DYM: variants seen among roughly 807,000 people sequenced by gnomAD.
DYM encodes dyggve-Melchior-Clausen syndrome protein.
Under a neutral mutation model 93.1 loss-of-function variants are expected in DYM, and 78 were observed. That is an observed-to-expected ratio of 0.84 (90% CI 0.70 to 1.01). The LOEUF is 1.01. Ranked by LOEUF, DYM falls within the 50% of genes least tolerant of loss-of-function variation. The pLI is 0.00. For synonymous variants in DYM, 321 were observed against 319.7 expected, an observed-to-expected ratio of 1.00 and a Z score of -0.04; for missense variants, 789 against 845.0, an observed-to-expected ratio of 0.93 and a Z score of 0.82.
intron 1 of DYM, among the ~76,000 whole-genome samples, chr18:49,434,548 A>C (rs531398059): frequency 1.3e-5 from 2 of 152,122 alleles, no homozygotes; most frequent in South Asian, 4.2e-4. Flanking sequence ...AAGAAAAAGA[A>C]AGTGGCCACC....
Position 49,446,097 on chromosome 18 carries a change from G to A in DYM, c.-54+14301C>T, listed in dbSNP as rs145738475. Among the ~76,000 whole-genome samples, 230 of 152,224 alleles carry A rather than the reference G, an allele frequency of 1.5e-3. 1 individual carries two copies. The highest frequency in any genetic ancestry group is 5.0e-3 in the African/African-American group (209 of 41,522). The stretch of plus-strand genomic sequence containing the variant: ...TAGCAATTTAGGCAGATTTATAAAC[G>A]CAGAGGTAAGAATCAAAAGAAAAAG... On this transcript the variant is annotated intron_variant, in intron 1 of 17. Transcript: ENST00000675505.
intron 2 of DYM, among the ~76,000 whole-genome samples, chr18:49,400,730 C>T (rs145334159): frequency 8.2e-4 from 125 of 152,268 alleles, no homozygotes; most frequent in African/African-American, 2.6e-3. Context: ...AATTCCTTTC[C>T]TTTCATCCTT....
At chr18:49,292,912 G>C (rs2060254959) in intron 8 of DYM, among the ~76,000 whole-genome samples, 1 of 152,034 alleles carries the variant, frequency 6.6e-6, no homozygotes, top group African/African-American at 2.4e-5. Flanking sequence ...TGCCATGGTG[G>C]TTTGCTGCAC....
intron 14 of DYM, among the ~76,000 whole-genome samples, chr18:49,173,464 CT>C (rs1242911538): frequency 6.6e-6 from 1 of 152,010 alleles, no homozygotes; most frequent in Non-Finnish European, 1.5e-5. Context: ...TCCTTAATTT[CT>C]TTCAGCAATG....
intron 6 of DYM, among the ~76,000 whole-genome samples, chr18:49,352,300 C>T (rs939430973): frequency 6.6e-6 from 1 of 152,088 alleles, no homozygotes; most frequent in Admixed American, 6.6e-5. Flanking sequence ...GATGGTTGTA[C>T]AATTTTGTGA....
intron 17 of DYM, among the ~76,000 whole-genome samples, chr18:49,083,786 ATT>A: frequency 6.6e-6 from 1 of 152,168 alleles, no homozygotes; most frequent in South Asian, 2.1e-4. Flanking sequence ...GTTCATTTCA[ATT>A]TGTTTCTAAT....
At chr18:49,400,666 A>T (rs901004083) in intron 2 of DYM, among the ~76,000 whole-genome samples, 19 of 152,168 alleles carry the variant, frequency 1.2e-4, no homozygotes, top group African/African-American at 4.6e-4. Context: ...TACAGAAGAA[A>T]TCAGCCAGGC....
At chr18:49,239,720 G>A (rs765641077) in intron 13 of DYM, among the ~76,000 whole-genome samples, 2 of 152,220 alleles carry the variant, frequency 1.3e-5, no homozygotes, top group Non-Finnish European at 2.9e-5. Flanking sequence ...GCCTTGAGAT[G>A]GGAGCACACT....
chr18:49,219,295 A>G (rs2093235029), intron 13 of DYM, among the ~76,000 whole-genome samples: 1 of 152,228 alleles, frequency 6.6e-6, no homozygotes, highest in African/African-American at 2.4e-5. Flanking sequence ...GTCCAGGACC[A>G]GATGGATTCA....
At chr18:49,380,797 T>C (rs780367125) in intron 3 of DYM, among the ~76,000 whole-genome samples, 3 of 152,326 alleles carry the variant, frequency 2.0e-5, no homozygotes, top group South Asian at 2.1e-4. Context: ...GTCAACAATA[T>C]GTTAGTAGCA....
chr18:49,421,384 C>G (rs528870766), intron 2 of DYM, among the ~76,000 whole-genome samples: 18 of 152,322 alleles, frequency 1.2e-4, no homozygotes, highest in Non-Finnish European at 1.5e-4. Flanking sequence ...CCCAGGCAAA[C>G]AGCGTCTGGA....
At chr18:49,283,190 T>A (rs1039740890) in intron 9 of DYM, among the ~76,000 whole-genome samples, 5 of 152,198 alleles carry the variant, frequency 3.3e-5, no homozygotes, top group Non-Finnish European at 7.4e-5. Flanking sequence ...ATATCTCATG[T>A]AATTTATCAA....
intron 8 of DYM, among the ~76,000 whole-genome samples, chr18:49,295,103 C>T (rs1338643512): frequency 6.6e-6 from 1 of 152,130 alleles, no homozygotes; most frequent in African/African-American, 2.4e-5. Flanking sequence ...AAAACGACTG[C>T]ATATAAACTG....
intron 8 of DYM, among the ~76,000 whole-genome samples, chr18:49,295,421 C>G (rs1203045617): frequency 1.3e-5 from 2 of 152,182 alleles, no homozygotes; most frequent in South Asian, 2.1e-4. Flanking sequence ...TGAACGGGAG[C>G]AGCACATGCA....
Position 49,108,251 on chromosome 18 carries a change from G to A in DYM, c.1911+10493C>T, listed in dbSNP as rs1473708163. 2.6e-5 allele frequency among the ~76,000 whole-genome samples: 4 copies of A among 152,190 alleles called. No individual in the cohort carries two copies. The East Asian group carries it at 7.7e-4, about 29-fold the overall frequency. On this transcript the variant is annotated intron_variant, in intron 16 of 17. Transcript: ENST00000675505. Reference sequence around the variant, plus strand: ...TGGTGTGCCATTTGCTAAGACCGTTGGAAAAGCACAGTATTAGGGTGGGAG... The same window carrying A: ...TGGTGTGCCATTTGCTAAGACCGTTAGAAAAGCACAGTATTAGGGTGGGAG...
intron 1 of DYM, among the ~76,000 whole-genome samples, chr18:49,450,198 T>C (rs1396718574): frequency 1.3e-5 from 2 of 152,188 alleles, no homozygotes; most frequent in African/African-American, 4.8e-5. Flanking sequence ...TTTTCCTAAA[T>C]TGAGCATTGA....
At chr18:49,133,948 T>G (rs563905969) in intron 15 of DYM, among the ~76,000 whole-genome samples, 2 of 152,224 alleles carry the variant, frequency 1.3e-5, no homozygotes, top group Non-Finnish European at 2.9e-5. Flanking sequence ...AAATGTCCGA[T>G]AGTAGATGAT....
At chr18:49,086,246 G>T (rs1254883198) in intron 17 of DYM, among the ~76,000 whole-genome samples, 2 of 152,214 alleles carry the variant, frequency 1.3e-5, no homozygotes, top group African/African-American at 2.4e-5. Flanking sequence ...TCTGGTGAGG[G>T]TGTTCTTGCT....
intron 6 of DYM, among the ~76,000 whole-genome samples, chr18:49,355,674 G>T (rs1238867214): frequency 1.3e-5 from 2 of 152,062 alleles, no homozygotes; most frequent in African/African-American, 2.4e-5. Context: ...TATGTGTGTG[G>T]GGGTGGCTTG....
Sources: allele counts gnomAD v4.1 joint callset (sites outside exome capture counted in the v4.1 genomes callset), GRCh38; gene constraint gnomAD v4.1.1; transcripts MANE v1.5; gene names NCBI Gene and HGNC (gene_info 2026-07-23, HGNC 2026-07-21).